The following BMP1 variants were observed in gnomAD, a reference collection of about 807,000 sequenced individuals.
BMP1 encodes mammalian tolloid protein.
Under a neutral mutation model 116.8 loss-of-function variants are expected in BMP1, and 63 were observed. The ratio of observed to expected loss-of-function variants is 0.54; its 90% CI spans 0.44 to 0.67. The LOEUF is 0.67. Among genes scored for constraint, BMP1 ranks in the 30% least tolerant of loss-of-function variants. The probability of loss-of-function intolerance (pLI) is 0.00; values close to 1 mark genes in which losing one functional copy is unlikely to be tolerated. For synonymous variants in BMP1, 536 were observed against 533.4 expected, an observed-to-expected ratio of 1.00 and a Z score of -0.07; for missense variants, 1,183 against 1,358.9, an observed-to-expected ratio of 0.87 and a Z score of 2.04.
chr8:22,189,876 T>A (rs572880736), intron 8 of BMP1, among the ~76,000 whole-genome samples: 1 of 152,312 alleles, frequency 6.6e-6, no homozygotes, highest in African/African-American at 2.4e-5. Flanking sequence ...CTTTTGATGA[T>A]GATAATAATA....
chr8:22,177,525 A>G, intron 5 of BMP1: 1 of 718,204 alleles, frequency 1.4e-6, no homozygotes, highest in Non-Finnish European at 2.6e-6. Context: ...CATTTTCTCG[A>G]TGTCTCTGTC....
rs766534910 is a variant in BMP1, at chr8:22,206,955, A to G, written c.2335A>G (p.Ser779Gly). 1 of 1,614,144 alleles carries G rather than the reference A, an allele frequency of 6.2e-7. No individual in the cohort carries two copies. Among genetic ancestry groups the G allele is most frequent in the Non-Finnish European group, 8.5e-7 (1 of 1,180,018 alleles). ...GAAGGAGTGCACGTGGGCCATCTCC[A>G]GCACCCCCGGGCACCGGGTCAAGCT... ...SKKECTWAIS[S>G]TPGHRVKLTF... Residue 779 changes from serine (S) to glycine (G), a missense_variant, in exon 17 of 20, where the codon AGC becomes GGC. By Grantham distance (56) the Ser-to-Gly change is moderately conservative. This residue lies in a region of BMP1 where 956 missense variants were observed against 1,135.2 expected (regional missense o/e 0.84). Transcript: ENST00000306385.
At chr8:22,171,518 T>G (rs1025968069) in intron 1 of BMP1, 2 of 152,256 alleles carry the variant, frequency 1.3e-5, no homozygotes, top group African/African-American at 4.8e-5. Flanking sequence ...GGTTTGTGTA[T>G]GTTGGAGCTT....
At chr8:22,195,070 G>T (rs928885923) in intron 12 of BMP1, 151 bp downstream of exon 12, 19 of 853,624 alleles carry the variant, frequency 2.2e-5, no homozygotes, top group Non-Finnish European at 3.3e-5. Flanking sequence ...GCTAGCTGGG[G>T]AGAAGAGGTC....
chr8:22,182,228 C>A (rs1828642818), intron 8 of BMP1, among the ~76,000 whole-genome samples: 1 of 152,220 alleles, frequency 6.6e-6, no homozygotes, highest in South Asian at 2.1e-4. Context: ...ATTTCACCAT[C>A]CATCAGGTAG....
intron 8 of BMP1, among the ~76,000 whole-genome samples, chr8:22,191,682 G>A (rs1426338241): frequency 1.3e-5 from 2 of 152,146 alleles, no homozygotes; most frequent in African/African-American, 4.8e-5. Flanking sequence ...GGGACCCTTC[G>A]TCGCTACTTC....
At position 22,192,049 on chromosome 8, in the gene BMP1, A is replaced by G; in HGVS notation, c.1078A>G (p.Ile360Val). 1.2e-6 allele frequency: 2 copies of G among 1,612,946 alleles called. No individual in the cohort carries two copies. The highest frequency in any genetic ancestry group is 1.7e-6 in the Non-Finnish European group (2 of 1,179,052). Reference protein sequence around the residue: ...WRISVTPGEKIILNFTSLDLY... With the variant: ...WRISVTPGEKVILNFTSLDLY... ...CCCTCTTCCTCCCCTGTTGCCCTAG[A>G]TCATCCTGAACTTCACGTCCCTGGA... Residue 360 changes from isoleucine (I) to valine (V), a missense_variant and splice_region_variant, in exon 9 of 20, where the codon ATC (isoleucine) becomes GTC (valine). By Grantham distance (29) the Ile-to-Val change is conservative. This residue lies in a region of BMP1 where 956 missense variants were observed against 1,135.2 expected (regional missense o/e 0.84). Transcript: ENST00000306385.
At chr8:22,170,979 G>T (rs924850138) in intron 1 of BMP1, 1 of 152,158 alleles carries the variant, frequency 6.6e-6, no homozygotes, top group Non-Finnish European at 1.5e-5. Context: ...AGGCATTCGT[G>T]TGGCAGATGC....
In BMP1 at chr8:22,194,867, C is replaced by T. The variant is rs369743877; in HGVS notation, c.1587C>T (p.Phe529=). The T allele has an allele frequency of 1.1e-5, 18 of 1,613,646 alleles. No homozygotes were observed. The highest frequency in any genetic ancestry group is 8.0e-5 in the African/African-American group (6 of 74,900). The change falls in exon 12 of 20, where the codon TTC becomes TTT. Residue 529 remains phenylalanine (F), a synonymous_variant. Transcript: ENST00000306385. The surrounding 1 kb of genome is among the most constrained non-coding windows in gnomAD (Gnocchi z 4.5). The part of the protein sequence containing the change: ...KSTSSRLWLK[F]VSDGSINKAG... ...CGTCCAGCCGCCTCTGGCTCAAGTT[C>T]GTCTCTGACGGGTCCATTAACAAAG...
chr8:22,195,897 C>T (rs954050188), intron 13 of BMP1, among the ~76,000 whole-genome samples: 4 of 152,080 alleles, frequency 2.6e-5, no homozygotes, highest in Admixed American at 2.6e-4. Context: ...ACTCCTCCTG[C>T]CTCGGCCTCC....
In BMP1 at chr8:22,207,469, C is replaced by T; in HGVS notation, c.2528C>T (p.Ser843Leu). ...AGCCGCATGTTCCTGCGCTTCTACT[C>T]AGATAACTCGGTCCAGCGAAAGGGC... ...TGSRMFLRFY[S>L]DNSVQRKGFQ... The change falls in exon 18 of 20, where the codon TCA becomes TTA. Residue 843 changes from serine to leucine, a missense_variant. Coordinates refer to ENST00000306385, the MANE Select transcript of BMP1 (RefSeq NM_006129.5). 6.2e-7 allele frequency: 1 copy of T among 1,614,002 alleles called. No homozygotes were observed. Among genetic ancestry groups the T allele is most frequent in the Admixed American group, 1.7e-5 (1 of 60,032 alleles).
chr8:22,168,734 G>A (rs1828189785), intron 1 of BMP1, among the ~76,000 whole-genome samples: 1 of 152,132 alleles, frequency 6.6e-6, no homozygotes, highest in Admixed American at 6.5e-5. Flanking sequence ...CTAGACAGCT[G>A]AGTCACCCCA....
intron 5 of BMP1, chr8:22,177,611 A>C: frequency 1.3e-6 from 1 of 756,316 alleles, no homozygotes; most frequent in East Asian, 2.5e-5. Flanking sequence ...TGGCTCTAGA[A>C]ATGGTGCTTC....
chr8:22,165,469 C>T lies in BMP1; in HGVS notation c.64C>T (p.Pro22Ser), dbSNP rs1386324434. The T allele has an allele frequency of 6.3e-7, 1 of 1,583,516 alleles. No individual in the cohort carries two copies. The highest frequency in any genetic ancestry group is 1.1e-5 in the South Asian group (1 of 88,030). ...GLLLLPRPGR[P>S]LDLADYTYDL... ...GCTGCTGCTCCCGCGTCCCGGCCGG[C>T]CGCTGGACTTGGCCGACTACACCTA... Residue 22 changes from proline to serine, a missense_variant, in exon 1 of 20, where the codon CCG becomes TCG. Coordinates refer to ENST00000306385, the MANE Select transcript of BMP1 (RefSeq NM_006129.5).
chr8:22,169,538 G>A (rs577488536), intron 1 of BMP1: 1 of 152,404 alleles, frequency 6.6e-6, no homozygotes, highest in East Asian at 1.9e-4. Flanking sequence ...GTTCACCTGT[G>A]ATCGGTCTTC....
Position 22,176,013 on chromosome 8 carries a change from G to A in BMP1, c.263-130G>A, listed in dbSNP as rs1294284797. On this transcript the variant is annotated intron_variant, in intron 2 of 19. Transcript: ENST00000306385. ...AAAGCCCTGAGAGTATTGATTTTGG[G>A]GACTACGAATAAATTTTAGCCAGTA... is the stretch of plus-strand genomic sequence containing the variant. 1.9e-5 allele frequency: 18 copies of A among 942,222 alleles called. No homozygotes were observed. The South Asian group carries it at 2.5e-4, about 13-fold the overall frequency. 58.4% of individuals were successfully genotyped at this position (942,222 alleles called of 1,614,324 possible). A position where few individuals can be genotyped will look rare whatever the true frequency, so the allele number is the denominator to read the frequency against.
rs917328111 is a variant in BMP1, at chr8:22,177,271, C to T, written c.730+132C>T. ...CTGGGCCCGCAGCGCTGCCCACAGC[C>T]TGGGTTGAGCCAGCCCCTGCCCTTG... On this transcript the variant is annotated intron_variant, in intron 5 of 19. Coordinates refer to ENST00000306385, the MANE Select transcript of BMP1 (RefSeq NM_006129.5). 10 of 979,766 alleles carry T rather than the reference C, an allele frequency of 1.0e-5. No individual in the cohort carries two copies. The African/African-American group carries it at 1.6e-4, about 16-fold the overall frequency. The allele number at this position is 979,766 out of a possible 1,614,324, so 60.7% of individuals were successfully genotyped here.
At chr8:22,188,719 C>T (rs1828847888) in intron 8 of BMP1, among the ~76,000 whole-genome samples, 1 of 152,220 alleles carries the variant, frequency 6.6e-6, no homozygotes, top group Admixed American at 6.5e-5. Context: ...TTTCTTCCTC[C>T]TGAGCGATGT....
At position 22,211,774 on chromosome 8, in the gene BMP1, C is replaced by G. The variant is rs73225877; in HGVS notation, c.*46C>G. On this transcript the variant is annotated 3_prime_UTR_variant, in exon 20 of 20. Coordinates refer to ENST00000306385, the MANE Select transcript of BMP1 (RefSeq NM_006129.5). ...GGGACTGGAGCCTGCTGCCCTTGGT[C>G]GCCTAGACTGGATAGTGGGGGTGGG... 5 of 1,613,272 alleles carry G rather than the reference C, an allele frequency of 3.1e-6. No individual in the cohort carries two copies. The Admixed American group carries it at 6.7e-5, about 22-fold the overall frequency.
Sources: allele counts gnomAD v4.1 joint callset (sites outside exome capture counted in the v4.1 genomes callset), GRCh38; gene constraint gnomAD v4.1.1; regional missense constraint gnomAD v4.1.1; non-coding constraint Gnocchi (gnomAD v3.1); transcripts MANE v1.5; gene names NCBI Gene and HGNC (gene_info 2026-07-23, HGNC 2026-07-21).